THRB: variants seen among roughly 807,000 people sequenced by gnomAD.
THRB encodes the protein thyroid hormone receptor beta.
THRB carries 12 observed loss-of-function variants against 47.8 expected under a neutral mutation model. The observed-to-expected ratio is 0.25, with a 90% CI of 0.16 to 0.41. The LOEUF is 0.41. THRB is among the 10% of genes least tolerant of loss of function. THRB has a pLI of 1.00. For missense variants in THRB, 348 were observed against 589.2 expected (o/e 0.59, Z 4.24); for synonymous variants, 218 against 212.2 (o/e 1.03, Z -0.24).
intron 4 of THRB, among the ~76,000 whole-genome samples, chr3:24,200,930 C>CT (rs1248192850): frequency 6.6e-6 from 1 of 152,084 alleles, no homozygotes; most frequent in Non-Finnish European, 1.5e-5. Context: ...TGAAATGGGC[C>CT]TTAGTGGTAT....
At chr3:24,288,752 A>G (rs1007780882) in intron 3 of THRB, among the ~76,000 whole-genome samples, 2 of 152,200 alleles carry the variant, frequency 1.3e-5, no homozygotes, top group African/African-American at 2.4e-5. Context: ...TGTGAAATCA[A>G]TTTAGTGGGT....
chr3:24,428,587 A>G (rs796640381), intron 1 of THRB, among the ~76,000 whole-genome samples: 17 of 152,162 alleles, frequency 1.1e-4, no homozygotes, highest in African/African-American at 3.6e-4. Flanking sequence ...TCATGATCAG[A>G]TATCAGGATA....
At chr3:24,196,004 C>T (rs930824728) in intron 4 of THRB, among the ~76,000 whole-genome samples, 11 of 152,176 alleles carry the variant, frequency 7.2e-5, no homozygotes, top group Non-Finnish European at 1.0e-4. Context: ...CTGTTGTGGT[C>T]ATTACTGTGT....
chr3:24,418,260 C>A (rs528293307), intron 1 of THRB, among the ~76,000 whole-genome samples: 54 of 142,054 alleles, frequency 3.8e-4, no homozygotes, highest in Admixed American at 1.5e-3. Context: ...AAAAAAAAAA[C>A]CTGTATTTCT....
At chr3:24,402,830 C>T (rs746779350) in intron 1 of THRB, among the ~76,000 whole-genome samples, 14 of 151,858 alleles carry the variant, frequency 9.2e-5, no homozygotes, top group East Asian at 3.9e-4. Context: ...GTATTTGATA[C>T]GCACTGCCAA....
At chr3:24,320,135 C>T (rs1317909920) in intron 2 of THRB, among the ~76,000 whole-genome samples, 1 of 152,010 alleles carries the variant, frequency 6.6e-6, no homozygotes, top group African/African-American at 2.4e-5. Context: ...TAAAACCCTC[C>T]GAAGAGTGTA....
chr3:24,302,690 T>A (rs546445897), intron 2 of THRB, among the ~76,000 whole-genome samples: 1 of 152,374 alleles, frequency 6.6e-6, no homozygotes, highest in South Asian at 2.1e-4. Flanking sequence ...GTCCATCGGC[T>A]AAGCATTTAC....
chr3:24,212,001 C>T (rs542600756), intron 4 of THRB, among the ~76,000 whole-genome samples: 5 of 152,316 alleles, frequency 3.3e-5, no homozygotes, highest in Middle Eastern at 3.4e-3. Context: ...CGGTGGTTCA[C>T]GCCTGTAATC....
chr3:24,232,246 C>T lies in THRB; in HGVS notation c.-42-3245G>A, dbSNP rs141627236. On this transcript the variant is annotated intron_variant, in intron 3 of 10. Transcript: ENST00000646209. Reference sequence around the variant, plus strand: ...ATGGGTCATTCATTTGTTTGGTTATCGCGAGGCCTTGGTTGAGGCTACTCT... The same window carrying T: ...ATGGGTCATTCATTTGTTTGGTTATTGCGAGGCCTTGGTTGAGGCTACTCT... 3.5e-3 allele frequency among the ~76,000 whole-genome samples: 527 copies of T among 152,330 alleles called. 2 individuals are homozygous for T. Among genetic ancestry groups the T allele is most frequent in the African/African-American group, 0.011 (473 of 41,574 alleles).
At chr3:24,236,474 T>C (rs551910600) in intron 3 of THRB, among the ~76,000 whole-genome samples, 11 of 152,260 alleles carry the variant, frequency 7.2e-5, no homozygotes, top group African/African-American at 2.6e-4. Context: ...ATCATTATTA[T>C]AGATGATCTC....
intron 4 of THRB, among the ~76,000 whole-genome samples, chr3:24,214,249 G>A (rs2046342124): frequency 6.6e-6 from 1 of 152,172 alleles, no homozygotes; most frequent in Non-Finnish European, 1.5e-5. Flanking sequence ...CATATAAAAT[G>A]GCTGGTGCAG....
At position 24,233,584 on chromosome 3, in the gene THRB, A is replaced by G. The variant is rs1442494187; in HGVS notation, c.-42-4583T>C. On this transcript the variant is annotated intron_variant, in intron 3 of 10. Coordinates refer to ENST00000646209, the MANE Select transcript of THRB (RefSeq NM_001354712.2). Reference sequence around the variant, plus strand: ...GGAAGAAAGAAAGAAAGAAAGAAAGAAAGAAAGAAAGAAAGAAAGAAAGAA... The same window carrying G: ...GGAAGAAAGAAAGAAAGAAAGAAAGGAAGAAAGAAAGAAAGAAAGAAAGAA... 3.6e-5 allele frequency among the ~76,000 whole-genome samples: 4 copies of G among 111,266 alleles called. 1 individual carries two copies. The allele number at this position is 111,266 out of a possible 152,430, so 73.0% of individuals were successfully genotyped here.
intron 5 of THRB, among the ~76,000 whole-genome samples, chr3:24,171,216 G>T (rs2040389995): frequency 2.0e-5 from 3 of 152,184 alleles, no homozygotes; most frequent in African/African-American, 7.2e-5. Flanking sequence ...AATACATTTT[G>T]GCGGAAACCA....
At chr3:24,127,060 A>C (rs1340102260) in intron 10 of THRB, among the ~76,000 whole-genome samples, 1 of 152,222 alleles carries the variant, frequency 6.6e-6, no homozygotes, top group Non-Finnish European at 1.5e-5. Flanking sequence ...GCTATTTAGC[A>C]ACAGATAACT....
chr3:24,387,313 C>T (rs2066200573), intron 1 of THRB, among the ~76,000 whole-genome samples: 1 of 152,026 alleles, frequency 6.6e-6, no homozygotes, highest in South Asian at 2.1e-4. Flanking sequence ...AGATTAAAGT[C>T]CTCACTTCCC....
At chr3:24,214,755 A>C (rs2046396917) in intron 4 of THRB, among the ~76,000 whole-genome samples, 1 of 152,144 alleles carries the variant, frequency 6.6e-6, no homozygotes, top group Non-Finnish European at 1.5e-5. Flanking sequence ...GGTCCTCACC[A>C]TCTCTGAAGA....
At chr3:24,286,828 G>C (rs1453358060) in intron 3 of THRB, among the ~76,000 whole-genome samples, 1 of 152,048 alleles carries the variant, frequency 6.6e-6, no homozygotes. Flanking sequence ...CAAGCATGTG[G>C]CAATGAGAAG....
chr3:24,473,024 T>A (rs1694931648), intron 1 of THRB, among the ~76,000 whole-genome samples: 1 of 152,160 alleles, frequency 6.6e-6, no homozygotes, highest in Admixed American at 6.5e-5. Flanking sequence ...ACAATCTACT[T>A]CCTTCCCGTT....
intron 1 of THRB, among the ~76,000 whole-genome samples, chr3:24,479,024 C>A (rs111651642): frequency 6.6e-6 from 1 of 152,034 alleles, no homozygotes; most frequent in Non-Finnish European, 1.5e-5. Flanking sequence ...TGCGGCCGGG[C>A]GCGGGGGTTA....
Sources: gnomAD v4.1 joint callset for allele counts (sites outside exome capture counted in the v4.1 genomes callset) on GRCh38, gnomAD v4.1.1 for gene constraint, MANE v1.5 for transcripts, NCBI Gene and HGNC (gene_info 2026-07-23, HGNC 2026-07-21) for gene names.